The following SLC6A2 variants were observed in gnomAD, a reference collection of about 807,000 sequenced individuals.
SLC6A2 encodes sodium-dependent noradrenaline transporter.
A neutral mutation model predicts 71.7 loss-of-function variants in SLC6A2; 26 were observed. The ratio of observed to expected loss-of-function variants is 0.36; its 90% CI spans 0.27 to 0.50. SLC6A2 has a LOEUF of 0.50. SLC6A2 is among the 20% of genes least tolerant of loss of function. The probability of loss-of-function intolerance (pLI) is 0.96; values close to 1 mark genes in which losing one functional copy is unlikely to be tolerated. For missense variants in SLC6A2, 581 were observed against 803.9 expected, an observed-to-expected ratio of 0.72 and a Z score of 3.35; for synonymous variants, 363 against 337.9, an observed-to-expected ratio of 1.07 and a Z score of -0.82.
intron 5 of SLC6A2, among the ~76,000 whole-genome samples, chr16:55,689,039 T>C (rs1351593977): frequency 6.6e-6 from 1 of 152,182 alleles, no homozygotes; most frequent in Non-Finnish European, 1.5e-5. Context: ...GGGCTGCTCA[T>C]TGCTTTCTTG....
intron 5 of SLC6A2, among the ~76,000 whole-genome samples, chr16:55,689,216 AG>A (rs1965541873): frequency 6.6e-6 from 1 of 152,204 alleles, no homozygotes; most frequent in Non-Finnish European, 1.5e-5. Flanking sequence ...GTGAACTGTT[AG>A]CCAAAGATCC....
intron 2 of SLC6A2, among the ~76,000 whole-genome samples, chr16:55,669,051 G>A (rs1964830579): frequency 6.6e-6 from 1 of 152,138 alleles, no homozygotes; most frequent in Non-Finnish European, 1.5e-5. Context: ...GGGAAAGCAA[G>A]CCACATATAC....
chr16:55,682,237 A>G (rs1221918747), intron 4 of SLC6A2, among the ~76,000 whole-genome samples: 5 of 152,094 alleles, frequency 3.3e-5, no homozygotes, highest in Admixed American at 1.3e-4. Flanking sequence ...TGCTTTCTGA[A>G]TGGACCTCTA....
chr16:55,656,792 T>C lies in SLC6A2; in HGVS notation c.98T>C (p.Leu33Pro). ...QPLRARKTAE[L>P]LVVKERNGVQ... Reference sequence around the variant, plus strand: ...CTTCGGGCGCGCAAAACTGCGGAGCTGCTGGTGGTGAAGGAGCGCAACGGC... The same window carrying C: ...CTTCGGGCGCGCAAAACTGCGGAGCCGCTGGTGGTGAAGGAGCGCAACGGC... Residue 33 changes from leucine (L) to proline (P), a missense_variant, in exon 2 of 15, where the codon CTG becomes CCG. By Grantham distance (98) the Leu-to-Pro change is moderately conservative (BLOSUM62 -3). This residue lies in a region of SLC6A2 where 76 missense variants were observed against 79.9 expected (regional missense o/e 0.95). Transcript: ENST00000568943. The surrounding 1 kb of genome is among the most constrained non-coding windows in gnomAD (Gnocchi z 4.5). 6.2e-7 allele frequency: 1 copy of C among 1,613,396 alleles called. No individual in the cohort carries two copies. The highest frequency in any genetic ancestry group is 8.5e-7 in the Non-Finnish European group (1 of 1,179,782).
intron 5 of SLC6A2, among the ~76,000 whole-genome samples, chr16:55,688,707 G>A (rs543800367): frequency 6.6e-6 from 1 of 152,286 alleles, no homozygotes. Flanking sequence ...CCTAGGTGAT[G>A]CTGATGCTGC....
intron 12 of SLC6A2, among the ~76,000 whole-genome samples, chr16:55,699,863 C>T (rs114489549): frequency 0.022 from 3,340 of 152,158 alleles, 120 homozygotes; most frequent in African/African-American, 0.076. Context: ...GCCAGGTCCC[C>T]GGGGGCTGTT....
chr16:55,669,980 C>A (rs1311942729), intron 3 of SLC6A2, among the ~76,000 whole-genome samples: 2 of 152,166 alleles, frequency 1.3e-5, no homozygotes, highest in African/African-American at 4.8e-5. Context: ...ACGTAAGTAT[C>A]AGAAGTACCC....
chr16:55,667,554 A>G (rs1263543389), intron 2 of SLC6A2, among the ~76,000 whole-genome samples: 2 of 152,214 alleles, frequency 1.3e-5, no homozygotes, highest in Non-Finnish European at 2.9e-5. Flanking sequence ...ACTGTCAGCA[A>G]TGTGCATAGG....
At position 55,702,657 on chromosome 16, in the gene SLC6A2, A is replaced by G. The variant is rs1966008446; in HGVS notation, c.*311A>G. 3.8e-6 allele frequency: 5 copies of G among 1,310,054 alleles called. No homozygotes were observed. In the Admixed American group the frequency reaches 1.3e-4, roughly 34 times the overall value. The allele number at this position is 1,310,054 out of a possible 1,614,324, so 81.2% of individuals were successfully genotyped here. ...TGAAGCTAGGTTCATGAGGTCGGAA[A>G]TCCCCACCACATTTGCCTAGACTTT... On this transcript the variant is annotated 3_prime_UTR_variant, in exon 15 of 15. Coordinates refer to ENST00000568943, the MANE Select transcript of SLC6A2 (RefSeq NM_001172501.3).
chr16:55,699,524 T>C, intron 11 of SLC6A2, 30 bp from the exon 12 acceptor site: 2 of 1,570,152 alleles, frequency 1.3e-6, no homozygotes, highest in Non-Finnish European at 1.8e-6. Flanking sequence ...ATGGGGGCCA[T>C]GGTAACAGGC....
chr16:55,663,976 C>T (rs181610307), intron 2 of SLC6A2, among the ~76,000 whole-genome samples: 111 of 152,230 alleles, frequency 7.3e-4, no homozygotes, highest in Non-Finnish European at 1.3e-3. Context: ...ACAGACAGGC[C>T]TTGCTGGGCT....
At position 55,656,730 on chromosome 16, in the gene SLC6A2, C is replaced by G; in HGVS notation, c.36C>G (p.Pro12=). 3 of 1,612,894 alleles carry G rather than the reference C, an allele frequency of 1.9e-6. No individual in the cohort carries two copies. Among genetic ancestry groups the G allele is most frequent in the East Asian group, 2.2e-5 (1 of 44,848 alleles). The change falls in exon 2 of 15, where the codon CCC becomes CCG. Residue 12 remains proline, a synonymous_variant. Coordinates refer to ENST00000568943, the MANE Select transcript of SLC6A2 (RefSeq NM_001172501.3). The surrounding 1 kb of genome is among the most constrained non-coding windows in gnomAD (Gnocchi z 4.5). ...CGCGGATGAACCCGCAGGTGCAGCCCGAGAACAACGGGGCGGACACGGGTC... is the reference window on the plus strand; with the variant it reads ...CGCGGATGAACCCGCAGGTGCAGCCGGAGAACAACGGGGCGGACACGGGTC... ...LLARMNPQVQ[P]ENNGADTGPE...
intron 5 of SLC6A2, among the ~76,000 whole-genome samples, chr16:55,691,528 C>A (rs1965629685): frequency 6.6e-6 from 1 of 152,134 alleles, no homozygotes; most frequent in Non-Finnish European, 1.5e-5. Flanking sequence ...CTTTAGAGAG[C>A]TCTATATATG....
Position 55,703,741 on chromosome 16 carries a change from T to G in SLC6A2, c.*1395T>G. On this transcript the variant is annotated 3_prime_UTR_variant, in exon 15 of 15. Coordinates refer to ENST00000568943, the MANE Select transcript of SLC6A2 (RefSeq NM_001172501.3). ...TTATTCTGACTGTGGGAGCTCCTGTTGCGGGATCTTGGGAAAAAATAAAGA... is the reference window on the plus strand; with the variant it reads ...TTATTCTGACTGTGGGAGCTCCTGTGGCGGGATCTTGGGAAAAAATAAAGA... 3.0e-6 allele frequency: 3 copies of G among 985,378 alleles called. No individual in the cohort carries two copies. Among genetic ancestry groups the G allele is most frequent in the Non-Finnish European group, 3.6e-6 (3 of 829,902 alleles). 61.0% of individuals were successfully genotyped at this position (985,378 alleles called of 1,614,324 possible). A position where few individuals can be genotyped will look rare whatever the true frequency, so the allele number is the denominator to read the frequency against.
At chr16:55,681,644 A>G (rs1965274975) in intron 4 of SLC6A2, among the ~76,000 whole-genome samples, 1 of 152,234 alleles carries the variant, frequency 6.6e-6, no homozygotes, top group Admixed American at 6.5e-5. Context: ...CTGGAAACAA[A>G]TTTTAATTCC....
intron 6 of SLC6A2, among the ~76,000 whole-genome samples, chr16:55,692,996 A>G (rs1303427547): frequency 2.6e-5 from 4 of 152,204 alleles, no homozygotes; most frequent in African/African-American, 9.6e-5. Flanking sequence ...AACCTTTCAG[A>G]TGTGTAGAAG....
At chr16:55,685,830 A>G (rs1373330496) in intron 5 of SLC6A2, among the ~76,000 whole-genome samples, 1 of 152,154 alleles carries the variant, frequency 6.6e-6, no homozygotes, top group Non-Finnish European at 1.5e-5. Context: ...AGAAGAGCAT[A>G]GGTTTAGATG....
intron 2 of SLC6A2, among the ~76,000 whole-genome samples, chr16:55,659,842 G>A (rs1158118541): frequency 1.3e-5 from 2 of 152,154 alleles, no homozygotes; most frequent in African/African-American, 4.8e-5. Flanking sequence ...CTAGCTGTAA[G>A]GCTTTGGCAA....
intron 6 of SLC6A2, among the ~76,000 whole-genome samples, chr16:55,692,860 C>T (rs187943932): frequency 1.3e-5 from 2 of 152,146 alleles, no homozygotes; most frequent in Non-Finnish European, 2.9e-5. Flanking sequence ...TGTTATAGAC[C>T]GGTAACCAAG....
Sources: gnomAD v4.1 joint callset for allele counts (sites outside exome capture counted in the v4.1 genomes callset) on GRCh38, gnomAD v4.1.1 for gene constraint, gnomAD v4.1.1 regional missense constraint, Gnocchi (gnomAD v3.1) non-coding constraint, MANE v1.5 for transcripts, NCBI Gene and HGNC (gene_info 2026-07-23, HGNC 2026-07-21) for gene names.